Variants in SYTL1 observed in about 807,000 individuals in gnomAD.
The protein encoded by SYTL1 is synaptotagmin like 1.
A neutral mutation model predicts 74.6 loss-of-function variants in SYTL1; 53 were observed. The observed-to-expected ratio is 0.71, with a 90% CI of 0.57 to 0.89. SYTL1 has a LOEUF of 0.89. Ranked by LOEUF, SYTL1 falls within the 40% of genes least tolerant of loss-of-function variation. SYTL1 has a pLI of 0.00. For synonymous variants in SYTL1, 329 were observed against 324.9 expected (o/e 1.01, Z -0.14); for missense variants, 728 against 768.7 (o/e 0.95, Z 0.63).
At position 27,349,773 on chromosome 1, in the gene SYTL1, G is replaced by T. The variant is rs751460898; in HGVS notation, c.747+8G>T. 6.9e-6 allele frequency: 11 copies of T among 1,589,258 alleles called. No individual in the cohort carries two copies. The South Asian group carries it at 1.2e-4, about 18-fold the overall frequency. ...AGCCTTAACTCCTCCACGGTGAGGC[G>T]GGAGGGAGGGGACCCGGGCGGCCGG... On this transcript the variant is annotated splice_region_variant and intron_variant, in intron 8 of 14. Coordinates refer to ENST00000616558, the MANE Select transcript of SYTL1 (RefSeq NM_001193308.2).
Position 27,349,994 on chromosome 1 carries a change from T to A in SYTL1, c.770T>A (p.Leu257Gln). The A allele has an allele frequency of 1.3e-6, 2 of 1,570,216 alleles. No homozygotes were observed. The highest frequency in any genetic ancestry group is 8.6e-7 in the Non-Finnish European group (1 of 1,167,276). ...SSTLSGSQMS[L>Q]SGDAEAVQVR... ...CAGCTGAGCGGCAGCCAGATGAGCCTGTCAGGCGACGCGGAGGCGGTGCAG... is the reference window on the plus strand; with the variant it reads ...CAGCTGAGCGGCAGCCAGATGAGCCAGTCAGGCGACGCGGAGGCGGTGCAG... The change falls in exon 9 of 15, where the codon CTG (leucine) becomes CAG (glutamine). Residue 257 changes from leucine to glutamine, a missense_variant. Leu to Gln is a moderately radical substitution (Grantham distance 113). Transcript: ENST00000616558.
At chr1:27,344,450 A>G (rs911849624) in intron 1 of SYTL1, among the ~76,000 whole-genome samples, 1 of 150,744 alleles carries the variant, frequency 6.6e-6, no homozygotes, top group Non-Finnish European at 1.5e-5. Context: ...CATGTTGGCC[A>G]GGCTGGTCTT....
In SYTL1 at chr1:27,348,423, TAAAA is replaced by T. The variant is rs1044737200; in HGVS notation, c.459+418_459+421del. 7.1e-6 allele frequency among the ~76,000 whole-genome samples: 1 copy of T among 141,684 alleles called. No homozygotes were observed. The highest frequency in any genetic ancestry group is 2.6e-5 in the African/African-American group (1 of 38,150). 93.0% of individuals were successfully genotyped at this position (141,684 alleles called of 152,430 possible). A position where few individuals can be genotyped will look rare whatever the true frequency, so the allele number is the denominator to read the frequency against. The stretch of plus-strand genomic sequence containing the variant: ...GCCCCCCATGTCTATAAAAAATAAA[TAAAA>T]AAAAAAGGCCGGTCGTGGCAGCTCA... On this transcript the variant is annotated intron_variant, in intron 5 of 14. Transcript: ENST00000616558. This position sits in a 1 kb window ranked among gnomAD's most constrained non-coding sequence, Gnocchi z 4.1.
chr1:27,349,864 A>G, intron 8 of SYTL1, 99 bp downstream of exon 8: 1 of 1,534,022 alleles, frequency 6.5e-7, no homozygotes, highest in South Asian at 1.2e-5. Flanking sequence ...CCACCGCTGC[A>G]GCCCCCCAGC....
Position 27,349,464 on chromosome 1 carries a change from G to A in SYTL1, c.599G>A (p.Gly200Glu). ...EADPELEPAS[G>E]GEQEPRPQQA... ...GACCCGGAGCTGGAGCCCGCGTCGG[G>A]GGGAGAGCAGGAGCCGCGGCCCCAG... is the stretch of plus-strand genomic sequence containing the variant. Residue 200 changes from glycine (G) to glutamate (E), a missense_variant, in exon 7 of 15, where the codon GGG becomes GAG. Transcript: ENST00000616558. The A allele has an allele frequency of 1.4e-6, 2 of 1,454,200 alleles. No individual in the cohort carries two copies. The highest frequency in any genetic ancestry group is 1.8e-6 in the Non-Finnish European group (2 of 1,102,698). The allele number at this position is 1,454,200 out of a possible 1,614,324, so 90.1% of individuals were successfully genotyped here. A position where few individuals can be genotyped will look rare whatever the true frequency, so the allele number is the denominator to read the frequency against.
In SYTL1 at chr1:27,347,901, G is replaced by A; in HGVS notation, c.413+21G>A. On this transcript the variant is annotated intron_variant, in intron 4 of 14. Coordinates refer to ENST00000616558, the MANE Select transcript of SYTL1 (RefSeq NM_001193308.2). The surrounding 1 kb of genome is among the most constrained non-coding windows in gnomAD (Gnocchi z 4.9). ...CCCAGGTGAGGAGGAGTCTCAGGAA[G>A]GGGGAGATGGTGCCCACCAGTCACC... 1 of 1,614,086 alleles carries A rather than the reference G, an allele frequency of 6.2e-7. No individual in the cohort carries two copies. Among genetic ancestry groups the A allele is most frequent in the Non-Finnish European group, 8.5e-7 (1 of 1,179,946 alleles).
Position 27,349,110 on chromosome 1 carries a change from C to T in SYTL1, c.490C>T (p.Leu164=), listed in dbSNP as rs2015124572. 1.2e-6 allele frequency: 2 copies of T among 1,613,992 alleles called. No homozygotes were observed. The highest frequency in any genetic ancestry group is 1.1e-5 in the South Asian group (1 of 91,082). The change falls in exon 6 of 15, where the codon CTA becomes TTA. Residue 164 remains leucine, a synonymous_variant. Coordinates refer to ENST00000616558, the MANE Select transcript of SYTL1 (RefSeq NM_001193308.2). ...TGATTTCCCATCGCCTTCTGTCCCCCTAAAGGCTTCAGATCCTGAGGAGGC... is the reference window on the plus strand; with the variant it reads ...TGATTTCCCATCGCCTTCTGTCCCCTTAAAGGCTTCAGATCCTGAGGAGGC... The part of the protein sequence containing the change: ...GPDFPSPSVP[L]KASDPEEASQ...
In SYTL1 at chr1:27,345,495, G is replaced by T. The variant is rs139274374; in HGVS notation, c.161G>T (p.Arg54Leu). The change falls in exon 2 of 15, where the codon CGC becomes CTC. Residue 54 changes from arginine to leucine, a missense_variant. Arg to Leu is a moderately radical substitution (Grantham distance 102). Transcript: ENST00000616558. This position sits in a 1 kb window ranked among gnomAD's most constrained non-coding sequence, Gnocchi z 6.0. ...AIAGVLQRDA[R>L]LRQLEEGRVS... ...GCTGGCGTCCTCCAACGAGATGCCC[G>T]CCTGCGCCAGCTGGAGGAGGGGCGG... 1 of 1,557,164 alleles carries T rather than the reference G, an allele frequency of 6.4e-7. No homozygotes were observed. Among genetic ancestry groups the T allele is most frequent in the Non-Finnish European group, 8.7e-7 (1 of 1,149,748 alleles).
At position 27,347,606 on chromosome 1, in the gene SYTL1, C is replaced by A; in HGVS notation, c.340+37C>A. The A allele has an allele frequency of 6.2e-7, 1 of 1,606,240 alleles. No homozygotes were observed. The highest frequency in any genetic ancestry group is 1.1e-5 in the South Asian group (1 of 89,914). ...TCCTCGGGGCAGGGCAAGCCATGTG[C>A]CGTCCAGGGCGCTGGCTGTATGTGG... On this transcript the variant is annotated intron_variant, in intron 3 of 14. Transcript: ENST00000616558. This position sits in a 1 kb window ranked among gnomAD's most constrained non-coding sequence, Gnocchi z 4.9.
Position 27,353,822 on chromosome 1 carries a change from C to G in SYTL1, c.1659C>G (p.Pro553=), listed in dbSNP as rs780910453. The change falls in exon 15 of 15, where the codon CCC becomes CCG. Residue 553 remains proline, a synonymous_variant. Coordinates refer to ENST00000616558, the MANE Select transcript of SYTL1 (RefSeq NM_001193308.2). ...QPCEWVDGLL[P]LRTNLAPRT ...GCGAATGGGTGGATGGCCTTCTACC[C>G]CTCAGAACCAACCTGGCCCCCAGGA... 3.1e-6 allele frequency: 5 copies of G among 1,613,820 alleles called. No homozygotes were observed. In the South Asian group the frequency reaches 5.5e-5, roughly 18 times the overall value.
At position 27,348,847 on chromosome 1, in the gene SYTL1, G is replaced by A. The variant is rs752773499; in HGVS notation, c.460-233G>A. On this transcript the variant is annotated intron_variant, in intron 5 of 14. Transcript: ENST00000616558. This position sits in a 1 kb window ranked among gnomAD's most constrained non-coding sequence, Gnocchi z 4.1. Reference sequence around the variant, plus strand: ...TGGCAGAGGTGGAGGACTCAGGTACGAATGACCCCACCAATGGGAGTAGGG... The same window carrying A: ...TGGCAGAGGTGGAGGACTCAGGTACAAATGACCCCACCAATGGGAGTAGGG... Among the ~76,000 whole-genome samples the A allele has an allele frequency of 4.6e-5, 7 of 152,242 alleles. No individual in the cohort carries two copies. Among genetic ancestry groups the A allele is most frequent in the Non-Finnish European group, 8.8e-5 (6 of 68,044 alleles).
rs2015396180 is a variant in SYTL1 at position 27,353,906 on chromosome 1, A to C, written c.*54A>C. 2 of 1,513,884 alleles carry C rather than the reference A, an allele frequency of 1.3e-6. No homozygotes were observed. Among genetic ancestry groups the C allele is most frequent in the African/African-American group, 1.4e-5 (1 of 72,620 alleles). 93.8% of individuals were successfully genotyped at this position (1,513,884 alleles called of 1,614,324 possible). A position where few individuals can be genotyped will look rare whatever the true frequency, so the allele number is the denominator to read the frequency against. On this transcript the variant is annotated 3_prime_UTR_variant, in exon 15 of 15. Transcript: ENST00000616558. Reference sequence around the variant, plus strand: ...CATCTCAGGGCCTGCCCTTGGCTAAAGTCAATAAAGTCTATTCTAAGAGCA... The same window carrying C: ...CATCTCAGGGCCTGCCCTTGGCTAACGTCAATAAAGTCTATTCTAAGAGCA...
chr1:27,349,782 G>A lies in SYTL1; in HGVS notation c.747+17G>A. 1.3e-6 allele frequency: 2 copies of A among 1,583,400 alleles called. No individual in the cohort carries two copies. Among genetic ancestry groups the A allele is most frequent in the South Asian group, 1.1e-5 (1 of 88,604 alleles). On this transcript the variant is annotated intron_variant, in intron 8 of 14. Coordinates refer to ENST00000616558, the MANE Select transcript of SYTL1 (RefSeq NM_001193308.2). ...TCCTCCACGGTGAGGCGGGAGGGAG[G>A]GGACCCGGGCGGCCGGGGGGTGGAC...
intron 1 of SYTL1, among the ~76,000 whole-genome samples, chr1:27,344,679 G>A (rs2014919282): frequency 6.6e-6 from 1 of 150,506 alleles, no homozygotes; most frequent in Non-Finnish European, 1.5e-5. Flanking sequence ...GTCAAACCCC[G>A]TCTCTACTAA....
At position 27,353,440 on chromosome 1, in the gene SYTL1, G is replaced by C; in HGVS notation, c.1501G>C (p.Ala501Pro). ...CAELSLWDHGALANRQLGGTR... is the reference protein window; with the variant it reads ...CAELSLWDHGPLANRQLGGTR... ...CGAGCTCTCCCTCTGGGACCATGGG[G>C]CCCTGGCCAACCGCCAGCTGGGGGG... The change falls in exon 14 of 15, where the codon GCC becomes CCC. Residue 501 changes from alanine to proline, a missense_variant. Ala to Pro is a conservative substitution (Grantham distance 27). Coordinates refer to ENST00000616558, the MANE Select transcript of SYTL1 (RefSeq NM_001193308.2). 1.2e-6 allele frequency: 2 copies of C among 1,609,786 alleles called. No individual in the cohort carries two copies. The highest frequency in any genetic ancestry group is 1.7e-6 in the Non-Finnish European group (2 of 1,178,698).
rs772599733 is a variant in SYTL1, at chr1:27,342,700, T to A, written c.-39+550T>A. ...CAGACAATATAGTCACCATGCAGCATCACACTGCAACAGGACACAAAGACA... is the reference window on the plus strand; with the variant it reads ...CAGACAATATAGTCACCATGCAGCAACACACTGCAACAGGACACAAAGACA... On this transcript the variant is annotated intron_variant, in intron 1 of 14. Transcript: ENST00000616558. This position sits in a 1 kb window ranked among gnomAD's most constrained non-coding sequence, Gnocchi z 4.7. 7.9e-5 allele frequency among the ~76,000 whole-genome samples: 12 copies of A among 151,920 alleles called. No individual in the cohort carries two copies. Among genetic ancestry groups the A allele is most frequent in the Non-Finnish European group, 5.9e-5 (4 of 67,952 alleles).
At position 27,350,374 on chromosome 1, in the gene SYTL1, T is replaced by C; in HGVS notation, c.909-15T>C. 1 of 1,612,130 alleles carries C rather than the reference T, an allele frequency of 6.2e-7. No individual in the cohort carries two copies. The highest frequency in any genetic ancestry group is 8.5e-7 in the Non-Finnish European group (1 of 1,178,278). ...TGGGAGGGCCCCTCCTCACCTCGGG[T>C]TCTCACCTCCCCAGCTACGTCAAAA... is the stretch of plus-strand genomic sequence containing the variant. On this transcript the variant is annotated splice_polypyrimidine_tract_variant and intron_variant, in intron 9 of 14. Transcript: ENST00000616558. The surrounding 1 kb of genome is among the most constrained non-coding windows in gnomAD (Gnocchi z 6.3).
Position 27,348,006 on chromosome 1 carries a change from G to C in SYTL1, c.453G>C (p.Glu151Asp). The change falls in exon 5 of 15, where the codon GAG becomes GAC. Residue 151 changes from glutamate to aspartate, a missense_variant. Physicochemically the swap from Glu to Asp is conservative, Grantham distance 45 (BLOSUM62 2). Coordinates refer to ENST00000616558, the MANE Select transcript of SYTL1 (RefSeq NM_001193308.2). The surrounding 1 kb of genome is among the most constrained non-coding windows in gnomAD (Gnocchi z 4.1). ...IDEAPQERLR[E>D]TEGPDFPSPS... ...AGGCCCCTCAGGAGAGGCTCAGGGAGACTGAGGTAAGTGAATGAGCCAACA... is the reference window on the plus strand; with the variant it reads ...AGGCCCCTCAGGAGAGGCTCAGGGACACTGAGGTAAGTGAATGAGCCAACA... 1 of 1,614,130 alleles carries C rather than the reference G, an allele frequency of 6.2e-7. No individual in the cohort carries two copies. Among genetic ancestry groups the C allele is most frequent in the African/African-American group, 1.3e-5 (1 of 75,058 alleles).
rs1188708146 is a variant in SYTL1, at chr1:27,349,963, C to G, written c.748-9C>G. The G allele has an allele frequency of 6.4e-7, 1 of 1,571,616 alleles. No homozygotes were observed. The highest frequency in any genetic ancestry group is 1.1e-5 in the South Asian group (1 of 87,068). ...AGCGGCCCTGACTCCCACCCACTCC[C>G]GTCCGCAGCTGAGCGGCAGCCAGAT... On this transcript the variant is annotated splice_polypyrimidine_tract_variant and intron_variant, in intron 8 of 14. Transcript: ENST00000616558.
Sources: allele counts gnomAD v4.1 joint callset (sites outside exome capture counted in the v4.1 genomes callset), GRCh38; gene constraint gnomAD v4.1.1; non-coding constraint Gnocchi (gnomAD v3.1); transcripts MANE v1.5; gene names NCBI Gene and HGNC (gene_info 2026-07-23, HGNC 2026-07-21).